CTNNBL1: variants seen among roughly 807,000 people sequenced by gnomAD.
The protein encoded by CTNNBL1 is beta-catenin-like protein 1.
CTNNBL1 carries 31 observed loss-of-function variants against 72.7 expected under a neutral mutation model. The ratio of observed to expected loss-of-function variants is 0.43; its 90% CI spans 0.32 to 0.58. The LOEUF (loss-of-function observed/expected upper bound fraction) is 0.58, where lower values mean the gene tolerates loss of function less well. Ranked by LOEUF, CTNNBL1 falls within the 20% of genes least tolerant of loss-of-function variation. The pLI is 0.08. For synonymous variants in CTNNBL1, 240 were observed against 267.3 expected (o/e 0.90, Z 1.00); for missense variants, 534 against 725.1 (o/e 0.74, Z 3.03).
chr20:37,838,958 T>C (rs969449300), intron 11 of CTNNBL1, among the ~76,000 whole-genome samples: 3 of 152,126 alleles, frequency 2.0e-5, no homozygotes, highest in African/African-American at 7.2e-5. Flanking sequence ...GCTGAATATA[T>C]GAGTCAGCAT....
At chr20:37,779,366 T>C (rs766521560) in intron 10 of CTNNBL1, 31 bp downstream of exon 10, 52 of 1,604,216 alleles carry the variant, frequency 3.2e-5, no homozygotes, top group African/African-American at 4.0e-5. Flanking sequence ...TTCTCCCACC[T>C]TTTTTGCCTG....
intron 2 of CTNNBL1, among the ~76,000 whole-genome samples, chr20:37,734,725 T>C (rs913750890): frequency 2.0e-5 from 3 of 152,220 alleles, no homozygotes; most frequent in African/African-American, 7.2e-5. Flanking sequence ...AAAATATTAT[T>C]GTCCTTTTTG....
At chr20:37,768,277 C>A (rs1311259310) in intron 7 of CTNNBL1, among the ~76,000 whole-genome samples, 1 of 152,148 alleles carries the variant, frequency 6.6e-6, no homozygotes, top group Admixed American at 6.5e-5. Flanking sequence ...TCATGTGATA[C>A]AAAAGGTATA....
chr20:37,739,487 A>G (rs2122610572), intron 3 of CTNNBL1, among the ~76,000 whole-genome samples: 1 of 152,080 alleles, frequency 6.6e-6, no homozygotes, highest in Admixed American at 6.5e-5. Flanking sequence ...GCTATAGTGA[A>G]CCTACTTGTA....
At chr20:37,704,773 G>T (rs1406702481) in intron 1 of CTNNBL1, among the ~76,000 whole-genome samples, 1 of 151,760 alleles carries the variant, frequency 6.6e-6, no homozygotes, top group Non-Finnish European at 1.5e-5. Flanking sequence ...TTTTATCATT[G>T]TGGATCTCAT....
In CTNNBL1 at chr20:37,698,103, A is replaced by G. The variant is rs531415588; in HGVS notation, c.30+3951A>G. Reference sequence around the variant, plus strand: ...CTGGATCTTGGCCTTTACATTTTCTATTGTATCTGAGGGTTCAATCTAAGA... The same window carrying G: ...CTGGATCTTGGCCTTTACATTTTCTGTTGTATCTGAGGGTTCAATCTAAGA... On this transcript the variant is annotated intron_variant, in intron 1 of 15. Transcript: ENST00000361383. Among the ~76,000 whole-genome samples the G allele has an allele frequency of 1.0e-3, 156 of 152,238 alleles. 2 individuals are homozygous for G. Among genetic ancestry groups the G allele is most frequent in the African/African-American group, 2.5e-3 (104 of 41,528 alleles).
chr20:37,757,412 A>C lies in CTNNBL1; in HGVS notation c.467-147A>C, dbSNP rs545456567. Reference sequence around the variant, plus strand: ...TTAATGAACACCTGCTGTGGGTAGAACCTTGTTGAAGAGATGTTAATAAAA... The same window carrying C: ...TTAATGAACACCTGCTGTGGGTAGACCCTTGTTGAAGAGATGTTAATAAAA... On this transcript the variant is annotated intron_variant, in intron 4 of 15. Coordinates refer to ENST00000361383, the MANE Select transcript of CTNNBL1 (RefSeq NM_030877.5). 383 of 531,844 alleles carry C rather than the reference A, an allele frequency of 7.2e-4. 4 individuals carry two copies. Among genetic ancestry groups the C allele is most frequent in the South Asian group, 7.1e-3 (291 of 40,704 alleles). 32.9% of individuals were successfully genotyped at this position (531,844 alleles called of 1,614,324 possible).
At chr20:37,792,705 A>G (rs1333227124) in intron 10 of CTNNBL1, among the ~76,000 whole-genome samples, 3 of 152,208 alleles carry the variant, frequency 2.0e-5, no homozygotes, top group African/African-American at 7.2e-5. Context: ...TACTTGTTCC[A>G]AGCATTTCGA....
chr20:37,746,812 G>C (rs2073269355), intron 4 of CTNNBL1, among the ~76,000 whole-genome samples: 1 of 152,154 alleles, frequency 6.6e-6, no homozygotes. Flanking sequence ...GCAAATCTTG[G>C]GCAATCCTTA....
intron 15 of CTNNBL1, among the ~76,000 whole-genome samples, chr20:37,868,125 TCTGTC>T (rs1181778805): frequency 6.6e-6 from 1 of 152,164 alleles, no homozygotes; most frequent in Non-Finnish European, 1.5e-5. Flanking sequence ...TCCACCCACA[TCTGTC>T]CTGGCCACCG....
intron 11 of CTNNBL1, among the ~76,000 whole-genome samples, chr20:37,809,042 T>C (rs2071985674): frequency 6.7e-6 from 1 of 149,222 alleles, no homozygotes; most frequent in African/African-American, 2.4e-5. Flanking sequence ...TCATCTCTCC[T>C]GAACTTCACT....
At chr20:37,845,647 G>A (rs2122826400) in intron 13 of CTNNBL1, among the ~76,000 whole-genome samples, 1 of 152,300 alleles carries the variant, frequency 6.6e-6, no homozygotes, top group Middle Eastern at 3.4e-3. Context: ...AAGTGACTTA[G>A]AACAATACGA....
intron 3 of CTNNBL1, among the ~76,000 whole-genome samples, chr20:37,738,392 T>C (rs6091175): frequency 6.6e-6 from 1 of 152,268 alleles, no homozygotes; most frequent in African/African-American, 2.4e-5. Context: ...ACGTGAGTTT[T>C]ACTACACTGG....
At chr20:37,756,741 AAGCCTCCCACCTT>A (rs746656126) in intron 4 of CTNNBL1, among the ~76,000 whole-genome samples, 7 of 149,710 alleles carry the variant, frequency 4.7e-5, no homozygotes, top group Non-Finnish European at 7.4e-5. Context: ...GAACTCAAGC[AAGCCTCCCACCTT>A]AGCCTCCCAA....
At chr20:37,731,063 GT>G (rs1481925068) in intron 1 of CTNNBL1, among the ~76,000 whole-genome samples, 13 of 152,234 alleles carry the variant, frequency 8.5e-5, no homozygotes, top group South Asian at 4.2e-4. Context: ...TATGTTTACA[GT>G]CTGGAATGAT....
chr20:37,728,658 C>T (rs572945909), intron 1 of CTNNBL1, among the ~76,000 whole-genome samples: 19 of 152,274 alleles, frequency 1.2e-4, no homozygotes, highest in African/African-American at 4.6e-4. Flanking sequence ...GAAGTTCTTA[C>T]GATTTTTGCC....
chr20:37,794,409 TG>T (rs1357203576), intron 10 of CTNNBL1, among the ~76,000 whole-genome samples: 1 of 151,924 alleles, frequency 6.6e-6, no homozygotes, highest in Non-Finnish European at 1.5e-5. Flanking sequence ...CTCCACCTCC[TG>T]GGTTCAAGCG....
chr20:37,838,385 T>C (rs1377253356), intron 11 of CTNNBL1, among the ~76,000 whole-genome samples: 1 of 152,110 alleles, frequency 6.6e-6, no homozygotes, highest in Non-Finnish European at 1.5e-5. Flanking sequence ...GCAGTGGTGG[T>C]AGTAGTCAGA....
At chr20:37,723,756 T>C (rs2073061240) in intron 1 of CTNNBL1, among the ~76,000 whole-genome samples, 1 of 152,178 alleles carries the variant, frequency 6.6e-6, no homozygotes, top group African/African-American at 2.4e-5. Context: ...TTGAGGTGGG[T>C]GGAATTTTCT....
Sources: allele counts gnomAD v4.1 joint callset (sites outside exome capture counted in the v4.1 genomes callset), GRCh38; gene constraint gnomAD v4.1.1; transcripts MANE v1.5; gene names NCBI Gene and HGNC (gene_info 2026-07-23, HGNC 2026-07-21).